Variants in POU1F1 observed in about 807,000 individuals in gnomAD.
The protein encoded by POU1F1 is POU class 1 homeobox 1.
POU1F1 carries 23 observed loss-of-function variants against 32.3 expected under a neutral mutation model. The observed-to-expected ratio is 0.71, with a 90% CI of 0.51 to 1.01. POU1F1 has a LOEUF of 1.01. Among genes scored for constraint, POU1F1 ranks in the 50% least tolerant of loss-of-function variants. POU1F1 has a pLI of 0.00. For synonymous variants in POU1F1, 120 were observed against 115.6 expected (o/e 1.04, Z -0.25); for missense variants, 323 against 341.6 (o/e 0.95, Z 0.43).
intron 1 of POU1F1, among the ~76,000 whole-genome samples, chr3:87,273,724 G>C (rs1706770262): frequency 6.6e-6 from 1 of 152,138 alleles, no homozygotes; most frequent in South Asian, 2.1e-4. Context: ...GGCTACGAGT[G>C]CCCCGTGAAG....
At position 87,272,296 on chromosome 3, in the gene POU1F1, C is replaced by T. The variant is rs533353970; in HGVS notation, c.214+1051G>A. On this transcript the variant is annotated intron_variant, in intron 2 of 5. Coordinates refer to ENST00000350375, the MANE Select transcript of POU1F1 (RefSeq NM_000306.4). Reference sequence around the variant, plus strand: ...ATAAAGATAAAATATCAAAGAATTTCTTTTCTTTTCTTTTATTATTATTAT... The same window carrying T: ...ATAAAGATAAAATATCAAAGAATTTTTTTTCTTTTCTTTTATTATTATTAT... Among the ~76,000 whole-genome samples, 28 of 152,042 alleles carry T rather than the reference C, an allele frequency of 1.8e-4. 1 individual carries two copies. The South Asian group carries it at 5.4e-3, about 29-fold the overall frequency.
rs1706465243 is a variant in POU1F1, at chr3:87,259,576, G to A, written c.*318C>T. On this transcript the variant is annotated 3_prime_UTR_variant, in exon 6 of 6. Transcript: ENST00000350375. ...AAAGCTAATATACATGTTTGGAAAAGGAACTTATAAACCCATACTCATATG... is the reference window on the plus strand; with the variant it reads ...AAAGCTAATATACATGTTTGGAAAAAGAACTTATAAACCCATACTCATATG... 7.2e-6 allele frequency: 2 copies of A among 276,774 alleles called. No homozygotes were observed. The highest frequency in any genetic ancestry group is 1.0e-4 in the Admixed American group (2 of 19,928). The allele number at this position is 276,774 out of a possible 1,614,324, so 17.1% of individuals were successfully genotyped here.
At position 87,273,394 on chromosome 3, in the gene POU1F1, G is replaced by A; in HGVS notation, c.167C>T (p.Pro56Leu). The change falls in exon 2 of 6, where the codon CCT becomes CTT. Residue 56 changes from proline to leucine, a missense_variant. Transcript: ENST00000350375. ...TGGCTGGTTTCCATAATGACAGGAA[G>A]GAACAGAATAATGAAGTCCTGTTGC... ...STATGLHYSV[P>L]SCHYGNQPST... is the part of the protein sequence containing the mutation. The A allele has an allele frequency of 6.2e-7, 1 of 1,612,692 alleles. No homozygotes were observed. Among genetic ancestry groups the A allele is most frequent in the Non-Finnish European group, 8.5e-7 (1 of 1,179,148 alleles).
intron 1 of POU1F1, among the ~76,000 whole-genome samples, chr3:87,274,348 T>A (rs558778535): frequency 1.3e-5 from 2 of 152,164 alleles, no homozygotes; most frequent in African/African-American, 4.8e-5. Context: ...TCCTTATATA[T>A]TTTATTTTCT....
At chr3:87,269,653 A>C (rs1364491639) in intron 2 of POU1F1, among the ~76,000 whole-genome samples, 2 of 152,196 alleles carry the variant, frequency 1.3e-5, no homozygotes, top group African/African-American at 2.4e-5. Context: ...CTTCTGTATT[A>C]GCCCAGGCAG....
intron 1 of POU1F1, 115 bp from the exon 2 acceptor site, chr3:87,273,533 G>A: frequency 4.0e-6 from 6 of 1,509,378 alleles, no homozygotes; most frequent in East Asian, 2.4e-5. Flanking sequence ...AGACACATTC[G>A]TTTTATTTCA....
intron 1 of POU1F1, 92 bp downstream of exon 1, chr3:87,276,228 AG>A (rs2106943806): frequency 6.8e-7 from 1 of 1,473,434 alleles, no homozygotes; most frequent in Non-Finnish European, 9.5e-7. Flanking sequence ...GTAAAATGAA[AG>A]ATGCAAAGAG....
rs1706497083 is a variant in POU1F1, at chr3:87,260,866, TTTTTTTTTTATTTATTTA to T, written c.665+389_665+406del. Reference sequence around the variant, plus strand: ...AAATTAAGTTATTACATTATTATTATTTTTTTTTTATTTATTTATTTATTTATTTATTTATTTATTTAT... The same window carrying T: ...AAATTAAGTTATTACATTATTATTATTTTATTTATTTATTTATTTATTTAT... On this transcript the variant is annotated intron_variant, in intron 5 of 5. Coordinates refer to ENST00000350375, the MANE Select transcript of POU1F1 (RefSeq NM_000306.4). 9.0e-4 allele frequency among the ~76,000 whole-genome samples: 7 copies of T among 7,806 alleles called. No homozygotes were observed. The East Asian group carries it at 0.024, about 27-fold the overall frequency. The allele number at this position is 7,806 out of a possible 152,430, so 5.1% of individuals were successfully genotyped here. A position where few individuals can be genotyped will look rare whatever the true frequency, so the allele number is the denominator to read the frequency against.
intron 4 of POU1F1, 83 bp from the exon 5 acceptor site, chr3:87,261,416 T>G: frequency 1.8e-6 from 2 of 1,097,118 alleles, no homozygotes; most frequent in Non-Finnish European, 2.6e-6. Flanking sequence ...TCAAATTTTC[T>G]TCATAAAACA....
rs571416583 is a variant in POU1F1 at position 87,266,720 on chromosome 3, T to G, written c.215-2208A>C. Among the ~76,000 whole-genome samples, 19 of 152,108 alleles carry G rather than the reference T, an allele frequency of 1.2e-4. No individual in the cohort carries two copies. In the East Asian group the frequency reaches 3.7e-3, roughly 29 times the overall value. On this transcript the variant is annotated intron_variant, in intron 2 of 5. Transcript: ENST00000350375. ...TATAGCTTTTCTTGAAAATATTTAT[T>G]GCCGTGGGGTTTATTTTTAGCTTTT...
intron 2 of POU1F1, among the ~76,000 whole-genome samples, chr3:87,270,332 T>C (rs146603759): frequency 1.5e-3 from 228 of 152,274 alleles, no homozygotes; most frequent in African/African-American, 5.2e-3. Flanking sequence ...TTGAACAATG[T>C]TAGTAATTAG....
At position 87,259,964 on chromosome 3, in the gene POU1F1, T is replaced by C; in HGVS notation, c.806A>G (p.Glu269Gly). Residue 269 changes from glutamate (E) to glycine (G), a missense_variant, in exon 6 of 6, where the codon GAA becomes GGA. Transcript: ENST00000350375. ...RVWFCNRRQR[E>G]KRVKTSLNQS... is the part of the protein sequence containing the mutation. Reference sequence around the variant, plus strand: ...ATTCAGACTTGTTTTCACCCGTTTTTCTCTCTGCCTCCGGTTGCAAAACCA... The same window carrying C: ...ATTCAGACTTGTTTTCACCCGTTTTCCTCTCTGCCTCCGGTTGCAAAACCA... 2.5e-6 allele frequency: 4 copies of C among 1,614,180 alleles called. No homozygotes were observed. Among genetic ancestry groups the C allele is most frequent in the Non-Finnish European group, 2.5e-6 (3 of 1,180,034 alleles).
chr3:87,267,948 G>A (rs1706654394), intron 2 of POU1F1, among the ~76,000 whole-genome samples: 1 of 152,038 alleles, frequency 6.6e-6, no homozygotes, highest in African/African-American at 2.4e-5. Flanking sequence ...AGTACTCTGG[G>A]AAAGTGGACA....
chr3:87,276,184 G>T, intron 1 of POU1F1, 137 bp downstream of exon 1: 1 of 1,109,946 alleles, frequency 9.0e-7, no homozygotes, highest in Non-Finnish European at 1.4e-6. Flanking sequence ...TATGCTTAAT[G>T]CTTACTTCAC....
intron 3 of POU1F1, among the ~76,000 whole-genome samples, chr3:87,263,236 T>G (rs990301176): frequency 5.3e-5 from 8 of 152,084 alleles, no homozygotes; most frequent in African/African-American, 1.9e-4. Flanking sequence ...GAAATATAAA[T>G]GATTGTCAAG....
At chr3:87,267,984 C>G (rs1357725030) in intron 2 of POU1F1, among the ~76,000 whole-genome samples, 1 of 151,816 alleles carries the variant, frequency 6.6e-6, no homozygotes, top group Admixed American at 6.6e-5. Context: ...TGAATGGAAT[C>G]CATGAAAAGT....
intron 5 of POU1F1, among the ~76,000 whole-genome samples, chr3:87,260,503 C>T (rs1706489737): frequency 6.6e-6 from 1 of 152,252 alleles, no homozygotes; most frequent in Non-Finnish European, 1.5e-5. Flanking sequence ...CCAACCAAAA[C>T]AAAACCTGTC....
intron 2 of POU1F1, among the ~76,000 whole-genome samples, chr3:87,268,551 T>G (rs1706669634): frequency 6.6e-6 from 1 of 152,116 alleles, no homozygotes; most frequent in Admixed American, 6.6e-5. Context: ...GAGCCTGCAT[T>G]TGGGGGAGTG....
At chr3:87,266,117 C>T (rs1049490125) in intron 2 of POU1F1, among the ~76,000 whole-genome samples, 1 of 149,682 alleles carries the variant, frequency 6.7e-6, no homozygotes, top group Non-Finnish European at 1.5e-5. Context: ...AGAAATCTTA[C>T]ATTAATATAT....
Sources: allele counts gnomAD v4.1 joint callset (sites outside exome capture counted in the v4.1 genomes callset), GRCh38; gene constraint gnomAD v4.1.1; transcripts MANE v1.5; gene names NCBI Gene and HGNC (gene_info 2026-07-23, HGNC 2026-07-21).